Variants in RBMS3 observed in about 807,000 individuals in gnomAD.
The protein encoded by RBMS3 is RNA binding motif single stranded interacting protein 3, also known as RNA-binding motif, single-stranded-interacting protein 3.
In RBMS3, 27 loss-of-function variants were observed where a neutral mutation model predicts 66.8. The observed-to-expected ratio is 0.40, with a 90% confidence interval of 0.30 to 0.56. The LOEUF is 0.56. Among genes scored for constraint, RBMS3 ranks in the 20% least tolerant of loss-of-function variants. The probability of loss-of-function intolerance (pLI) is 0.40; values close to 1 mark genes in which losing one functional copy is unlikely to be tolerated. For missense variants in RBMS3, 513 were observed against 549.5 expected (o/e 0.93, Z 0.66); for synonymous variants, 188 against 183.0 (o/e 1.03, Z -0.22).
intron 1 of RBMS3, among the ~76,000 whole-genome samples, chr3:29,386,533 C>T (rs2039016190): frequency 6.6e-6 from 1 of 152,128 alleles, no homozygotes; most frequent in Admixed American, 6.5e-5. Context: ...CAAAGATCAT[C>T]TCTTCTACTT....
At chr3:29,470,003 A>G (rs2042666888) in intron 2 of RBMS3, among the ~76,000 whole-genome samples, 2 of 147,994 alleles carry the variant, frequency 1.4e-5, no homozygotes, top group Admixed American at 1.4e-4. Flanking sequence ...ATATAAAATT[A>G]TATAATATGT....
At chr3:29,702,641 G>A (rs1223618641) in intron 4 of RBMS3, among the ~76,000 whole-genome samples, 2 of 152,106 alleles carry the variant, frequency 1.3e-5, no homozygotes, top group African/African-American at 2.4e-5. Flanking sequence ...CCCACCAGGA[G>A]GAATGAACAA....
intron 5 of RBMS3, among the ~76,000 whole-genome samples, chr3:29,751,401 AC>A (rs1229999538): frequency 6.6e-6 from 1 of 152,092 alleles, no homozygotes; most frequent in Non-Finnish European, 1.5e-5. Flanking sequence ...TTTTGAGAAA[AC>A]CCTGTGGCAA....
intron 2 of RBMS3, among the ~76,000 whole-genome samples, chr3:29,481,689 GTGAAT>G (rs2125819974): frequency 6.6e-6 from 1 of 152,278 alleles, no homozygotes; most frequent in Admixed American, 6.5e-5. Flanking sequence ...AGAAGAAACT[GTGAAT>G]TGACTTGGAG....
chr3:29,504,722 G>A (rs2148943687), intron 3 of RBMS3, among the ~76,000 whole-genome samples: 1 of 151,748 alleles, frequency 6.6e-6, no homozygotes, highest in South Asian at 2.1e-4. Context: ...AATGTGCAAG[G>A]ATTCCCTTTT....
intron 1 of RBMS3, among the ~76,000 whole-genome samples, chr3:29,305,471 C>A (rs2033945756): frequency 6.6e-6 from 1 of 151,908 alleles, no homozygotes; most frequent in South Asian, 2.1e-4. Flanking sequence ...CCAGCTGCCC[C>A]TCAGGTTTAT....
intron 14 of RBMS3, among the ~76,000 whole-genome samples, chr3:29,992,855 C>A (rs529849208): frequency 6.6e-6 from 1 of 152,144 alleles, no homozygotes; most frequent in Non-Finnish European, 1.5e-5. Context: ...ATAGGCTATT[C>A]TCTTTAAACT....
At chr3:29,884,127 A>T in intron 7 of RBMS3, 35 bp from the exon 8 acceptor site, 1 of 1,582,876 alleles carries the variant, frequency 6.3e-7, no homozygotes, top group Non-Finnish European at 8.6e-7. Flanking sequence ...AAAAACGTTA[A>T]GATTTGTTTT....
chr3:29,357,492 A>G (rs185535245), intron 1 of RBMS3, among the ~76,000 whole-genome samples: 32 of 152,340 alleles, frequency 2.1e-4, no homozygotes, highest in African/African-American at 7.5e-4. Flanking sequence ...GATTGTGAGT[A>G]GTGCCGCAAT....
rs571513089 is a variant in RBMS3 at position 29,395,166 on chromosome 3, G to C, written c.76-39577G>C. Among the ~76,000 whole-genome samples the C allele has an allele frequency of 3.2e-4, 48 of 152,260 alleles. No individual in the cohort carries two copies. The South Asian group carries it at 9.7e-3, about 31-fold the overall frequency. ...AATCTGAATGTGAAAAGCATCAGGAGCCAGTTATCAAAGTATCCCTCTCCT... is the reference window on the plus strand; with the variant it reads ...AATCTGAATGTGAAAAGCATCAGGACCCAGTTATCAAAGTATCCCTCTCCT... On this transcript the variant is annotated intron_variant, in intron 1 of 14. Coordinates refer to ENST00000383767, the MANE Select transcript of RBMS3 (RefSeq NM_001003793.3).
chr3:29,336,897 A>T (rs1372606897), intron 1 of RBMS3, among the ~76,000 whole-genome samples: 1 of 152,168 alleles, frequency 6.6e-6, no homozygotes, highest in Non-Finnish European at 1.5e-5. Context: ...TACAAATAAA[A>T]TTAAGTCAAA....
chr3:29,313,872 G>A lies in RBMS3; in HGVS notation c.75+32116G>A, dbSNP rs1194879258. ...AGTCTTGGCCTTATTCCCTCCCAGA[G>A]TTTAGCAGTTGACTTTCGGCAAAAG... On this transcript the variant is annotated intron_variant, in intron 1 of 14. Transcript: ENST00000383767. Among the ~76,000 whole-genome samples, 3 of 151,800 alleles carry A rather than the reference G, an allele frequency of 2.0e-5. No individual in the cohort carries two copies. In the East Asian group the frequency reaches 5.9e-4, roughly 30 times the overall value.
intron 6 of RBMS3, among the ~76,000 whole-genome samples, chr3:29,830,227 C>G (rs9810228): frequency 5.7e-4 from 87 of 151,812 alleles, no homozygotes; most frequent in African/African-American, 2.0e-3. Flanking sequence ...GAATGTTTTC[C>G]TACATTAAAA....
intron 6 of RBMS3, among the ~76,000 whole-genome samples, chr3:29,849,176 G>A (rs1168710921): frequency 6.8e-6 from 1 of 146,928 alleles, no homozygotes; most frequent in Non-Finnish European, 1.5e-5. Context: ...AGGAATGTGT[G>A]TGTGTGTGTG....
intron 3 of RBMS3, among the ~76,000 whole-genome samples, chr3:29,543,821 A>C (rs1356423068): frequency 6.6e-6 from 1 of 152,226 alleles, no homozygotes; most frequent in Non-Finnish European, 1.5e-5. Flanking sequence ...TGAAGGAACT[A>C]TAAGGTACAT....
intron 10 of RBMS3, among the ~76,000 whole-genome samples, chr3:29,921,236 G>A (rs7429102): frequency 6.6e-6 from 1 of 151,412 alleles, no homozygotes; most frequent in Admixed American, 6.6e-5. Context: ...CTAATTTTTT[G>A]TTTTTTTAAT....
intron 4 of RBMS3, among the ~76,000 whole-genome samples, chr3:29,735,271 A>C (rs1316652161): frequency 6.6e-6 from 1 of 152,304 alleles, no homozygotes; most frequent in Non-Finnish European, 1.5e-5. Flanking sequence ...GACAGCATAC[A>C]TACACTAAAA....
At chr3:29,365,807 T>A (rs546356383) in intron 1 of RBMS3, among the ~76,000 whole-genome samples, 49 of 152,304 alleles carry the variant, frequency 3.2e-4, no homozygotes, top group Middle Eastern at 3.4e-3. Flanking sequence ...AGCTTCCAAT[T>A]TTTCTAGTTC....
intron 7 of RBMS3, among the ~76,000 whole-genome samples, chr3:29,882,806 A>C (rs912814122): frequency 6.6e-6 from 1 of 152,068 alleles, no homozygotes; most frequent in Non-Finnish European, 1.5e-5. Flanking sequence ...CAAACAGGCA[A>C]GGTATTTTGT....
Sources: allele counts gnomAD v4.1 joint callset (sites outside exome capture counted in the v4.1 genomes callset), GRCh38; gene constraint gnomAD v4.1.1; transcripts MANE v1.5; gene names NCBI Gene and HGNC (gene_info 2026-07-23, HGNC 2026-07-21).